Variants in DCAF13 observed in about 807,000 individuals in gnomAD.
The protein encoded by DCAF13 is DDB1 and CUL4 associated factor 13, also known as DDB1- and CUL4-associated factor 13.
In DCAF13, 38 loss-of-function variants were observed where a neutral mutation model predicts 59.0. The ratio of observed to expected loss-of-function variants is 0.64; its 90% CI spans 0.50 to 0.84. DCAF13 has a LOEUF of 0.84. Among genes scored for constraint, DCAF13 ranks in the 40% least tolerant of loss-of-function variants. DCAF13 has a pLI of 0.00. For missense variants in DCAF13, 469 were observed against 558.4 expected, an observed-to-expected ratio of 0.84 and a Z score of 1.61; for synonymous variants, 173 against 175.0, an observed-to-expected ratio of 0.99 and a Z score of 0.09.
At chr8:103,421,377 T>G (rs1816720865) in intron 3 of DCAF13, 7 of 456,004 alleles carry the variant, frequency 1.5e-5, no homozygotes, top group South Asian at 1.4e-4. Flanking sequence ...AGATGAGTAA[T>G]TTGTACTTTT....
chr8:103,420,517 T>G, intron 2 of DCAF13, 54 bp downstream of exon 2: 1 of 1,541,416 alleles, frequency 6.5e-7, no homozygotes. Flanking sequence ...ATTACAAATG[T>G]TTTCCCTTTA....
At chr8:103,429,953 AAAG>A (rs1167408843) in intron 5 of DCAF13, 4 of 152,232 alleles carry the variant, frequency 2.6e-5, no homozygotes, top group South Asian at 2.1e-4. Flanking sequence ...AAATAATTCA[AAAG>A]AAGAACTACG....
chr8:103,438,521 G>A lies in DCAF13; in HGVS notation c.951-1615G>A, dbSNP rs146710116. ...TACAGCCCCTGTCTTCTGGGCTCTA[G>A]TGATCCTCCTACCTCAGACTCCTGA... On this transcript the variant is annotated intron_variant, in intron 8 of 10. Coordinates refer to ENST00000612750, the MANE Select transcript of DCAF13 (RefSeq NM_015420.7). Among the ~76,000 whole-genome samples, 337 of 151,170 alleles carry A rather than the reference G, an allele frequency of 2.2e-3. 5 individuals carry two copies. Among genetic ancestry groups the A allele is most frequent in the African/African-American group, 7.6e-3 (312 of 41,132 alleles).
chr8:103,420,570 A>G, intron 2 of DCAF13, 107 bp downstream of exon 2: 1 of 1,163,434 alleles, frequency 8.6e-7, no homozygotes, highest in Non-Finnish European at 1.2e-6. Flanking sequence ...ATTTCAATTT[A>G]CTTCTCAAGA....
In DCAF13 at chr8:103,427,058, G is replaced by T. The variant is rs187260078; in HGVS notation, c.469-39G>T. 1.9e-4 allele frequency: 284 copies of T among 1,490,120 alleles called. 1 individual carries two copies. In the East Asian group the frequency reaches 5.5e-3, roughly 29 times the overall value. The allele number at this position is 1,490,120 out of a possible 1,614,324, so 92.3% of individuals were successfully genotyped here. Reference sequence around the variant, plus strand: ...AATATTATTCTGCAGATTTGAATTAGTAATGAAAAAAATCCTCTTAACCTT... The same window carrying T: ...AATATTATTCTGCAGATTTGAATTATTAATGAAAAAAATCCTCTTAACCTT... On this transcript the variant is annotated intron_variant, in intron 4 of 10. Coordinates refer to ENST00000612750, the MANE Select transcript of DCAF13 (RefSeq NM_015420.7).
chr8:103,433,133 T>C lies in DCAF13; in HGVS notation c.785+392T>C, dbSNP rs116080014. ...CCCACTTGCCTGAAAATGTTTAACA[T>C]TTGGCCCTTTACAGAAGAAGTTGGC... On this transcript the variant is annotated intron_variant, in intron 7 of 10. Coordinates refer to ENST00000612750, the MANE Select transcript of DCAF13 (RefSeq NM_015420.7). Among the ~76,000 whole-genome samples the C allele has an allele frequency of 6.2e-3, 938 of 152,246 alleles. 7 individuals are homozygous for C. Among genetic ancestry groups the C allele is most frequent in the African/African-American group, 0.021 (872 of 41,570 alleles).
At chr8:103,438,871 T>C (rs1816967797) in intron 8 of DCAF13, among the ~76,000 whole-genome samples, 1 of 152,190 alleles carries the variant, frequency 6.6e-6, no homozygotes, top group Non-Finnish European at 1.5e-5. Context: ...TCTTACTTTT[T>C]CTGACCTTGT....
intron 4 of DCAF13, 45 bp from the exon 5 acceptor site, chr8:103,427,052 G>C: frequency 7.0e-7 from 1 of 1,432,906 alleles, no homozygotes; most frequent in Non-Finnish European, 9.5e-7. Context: ...CTGCAGATTT[G>C]AATTAGTAAT....
chr8:103,426,219 C>G, intron 4 of DCAF13, 74 bp downstream of exon 4: 2 of 886,476 alleles, frequency 2.3e-6, no homozygotes, highest in South Asian at 3.8e-5. Context: ...GTTATAATTT[C>G]CTAAGATGGG....
intron 9 of DCAF13, 65 bp downstream of exon 9, chr8:103,440,336 A>G (rs1350857912): frequency 2.2e-6 from 3 of 1,388,632 alleles, no homozygotes; most frequent in Non-Finnish European, 2.9e-6. Flanking sequence ...ATATTACATT[A>G]TGAAAATTTA....
chr8:103,425,306 C>T (rs973629004), intron 3 of DCAF13, among the ~76,000 whole-genome samples: 4 of 152,146 alleles, frequency 2.6e-5, no homozygotes, highest in African/African-American at 9.7e-5. Flanking sequence ...TAGTCTGTTT[C>T]ACCTGATAGC....
At chr8:103,424,306 C>T (rs900478147) in intron 3 of DCAF13, among the ~76,000 whole-genome samples, 2 of 152,198 alleles carry the variant, frequency 1.3e-5, no homozygotes, top group African/African-American at 4.8e-5. Context: ...GGATTACAGG[C>T]GCGAGCCGCC....
At chr8:103,440,091 CTG>C (rs1816987842) in intron 8 of DCAF13, 43 bp from the exon 9 acceptor site, 4 of 1,299,242 alleles carry the variant, frequency 3.1e-6, no homozygotes, top group Non-Finnish European at 3.1e-6. Flanking sequence ...TACTCAAAAT[CTG>C]TACCAAAATC....
chr8:103,419,773 G>A (rs1010506053), intron 1 of DCAF13, among the ~76,000 whole-genome samples: 13 of 152,212 alleles, frequency 8.5e-5, no homozygotes, highest in African/African-American at 3.1e-4. Flanking sequence ...CACTTTGGGA[G>A]GCTGAGGCGT....
chr8:103,432,620 GA>G (rs1379456840), intron 6 of DCAF13, 38 bp from the exon 7 acceptor site: 3 of 1,313,572 alleles, frequency 2.3e-6, no homozygotes, highest in Non-Finnish European at 3.3e-6. Context: ...AAAAGAAAAG[GA>G]AAGGAAGTGG....
At chr8:103,421,853 A>G (rs1563502440) in intron 3 of DCAF13, among the ~76,000 whole-genome samples, 1 of 152,130 alleles carries the variant, frequency 6.6e-6, no homozygotes, top group Non-Finnish European at 1.5e-5. Context: ...CATTTTGTTT[A>G]TCCGTTCATT....
At chr8:103,439,293 A>G (rs1563507104) in intron 8 of DCAF13, among the ~76,000 whole-genome samples, 2 of 150,794 alleles carry the variant, frequency 1.3e-5, no homozygotes, top group Non-Finnish European at 3.0e-5. Context: ...ACCTGGCTCT[A>G]TTAAATTATT....
Position 103,415,479 on chromosome 8 carries a change from C to G in DCAF13, c.33C>G (p.Asp11Glu). Reference protein sequence around the residue: MKVKMLSRNPDNYVRETKLDL... With the variant: MKVKMLSRNPENYVRETKLDL... ...TGAAGATGCTGAGCCGGAATCCGGA[C>G]AATTATGTCCGCGAAACCAAGTTGG... is the stretch of plus-strand genomic sequence containing the variant. Residue 11 changes from aspartate to glutamate, a missense_variant, in exon 1 of 11, where the codon GAC becomes GAG. Asp to Glu is a conservative substitution (Grantham distance 45). Around this residue, in one of 3 missense-constraint regions of DCAF13, gnomAD observed 355 missense variants for 399.1 expected, o/e 0.89. Coordinates refer to ENST00000612750, the MANE Select transcript of DCAF13 (RefSeq NM_015420.7). 6.2e-7 allele frequency: 1 copy of G among 1,612,950 alleles called. No individual in the cohort carries two copies. The highest frequency in any genetic ancestry group is 8.5e-7 in the Non-Finnish European group (1 of 1,179,190).
chr8:103,425,907 G>T (rs1050083312), intron 3 of DCAF13, 149 bp from the exon 4 acceptor site: 1 of 564,620 alleles, frequency 1.8e-6, no homozygotes, highest in Non-Finnish European at 3.2e-6. Context: ...CTAAAACAAG[G>T]TGGGATATAA....
Sources: allele counts gnomAD v4.1 joint callset (sites outside exome capture counted in the v4.1 genomes callset), GRCh38; gene constraint gnomAD v4.1.1; regional missense constraint gnomAD v4.1.1; transcripts MANE v1.5; gene names NCBI Gene and HGNC (gene_info 2026-07-23, HGNC 2026-07-21).